Variants in RBM47 observed in about 807,000 individuals in gnomAD.
The protein encoded by RBM47 is RNA-binding protein 47.
In RBM47, 21 loss-of-function variants were observed where a neutral mutation model predicts 47.1. The ratio of observed to expected loss-of-function variants is 0.45; its 90% confidence interval spans 0.32 to 0.64. The LOEUF is 0.64. Ranked by LOEUF, RBM47 falls within the 30% of genes least tolerant of loss-of-function variation. RBM47 has a pLI of 0.05. For synonymous variants in RBM47, 375 were observed against 361.7 expected (o/e 1.04, Z -0.42); for missense variants, 708 against 870.9 (o/e 0.81, Z 2.35).
At chr4:40,581,585 T>C (rs935006951) in intron 1 of RBM47, among the ~76,000 whole-genome samples, 1 of 151,904 alleles carries the variant, frequency 6.6e-6, no homozygotes, top group Non-Finnish European at 1.5e-5. Flanking sequence ...TTCTTCCAGG[T>C]TGATACAATC....
chr4:40,459,603 T>C (rs754068828), intron 3 of RBM47, among the ~76,000 whole-genome samples: 15 of 152,046 alleles, frequency 9.9e-5, no homozygotes, highest in African/African-American at 3.1e-4. Context: ...TAAAAAAACT[T>C]TTGTGGTTTA....
At chr4:40,572,921 G>A (rs1291535421) in intron 1 of RBM47, among the ~76,000 whole-genome samples, 2 of 151,730 alleles carry the variant, frequency 1.3e-5, no homozygotes, top group East Asian at 3.9e-4. Context: ...GGAGGCCGAG[G>A]CGGGCGGATT....
chr4:40,456,366 TAA>T (rs1577677998), intron 3 of RBM47, among the ~76,000 whole-genome samples: 3 of 152,152 alleles, frequency 2.0e-5, no homozygotes, highest in South Asian at 2.1e-4. Context: ...TTTTTAATTA[TAA>T]AAGTCATCTT....
intron 3 of RBM47, chr4:40,455,481 G>T (rs1577675814): frequency 6.6e-6 from 1 of 152,174 alleles, no homozygotes; most frequent in Admixed American, 6.6e-5. Flanking sequence ...GTACCTGGCT[G>T]GTTGGGCGTG....
intron 1 of RBM47, among the ~76,000 whole-genome samples, chr4:40,585,503 A>C (rs2154273044): frequency 6.6e-6 from 1 of 152,322 alleles, no homozygotes; most frequent in South Asian, 2.1e-4. Context: ...ATCTTGTGTA[A>C]AGAAAAAGCA....
In RBM47 at chr4:40,593,112, A is replaced by G. The variant is rs34266529; in HGVS notation, c.-240+36284T>C. Among the ~76,000 whole-genome samples the G allele has an allele frequency of 1.7e-3, 239 of 141,138 alleles. 1 individual carries two copies. The highest frequency in any genetic ancestry group is 6.1e-3 in the African/African-American group (230 of 37,744). 92.6% of individuals were successfully genotyped at this position (141,138 alleles called of 152,430 possible). On this transcript the variant is annotated intron_variant, in intron 1 of 6. Coordinates refer to ENST00000295971, the MANE Select transcript of RBM47 (RefSeq NM_001098634.2). ...CAGGTTCACGCCATTCTCCTGCCTC[A>G]GCCTCCCGAGTAGCTGGGACTACAG...
chr4:40,593,178 T>C (rs1734416932), intron 1 of RBM47, among the ~76,000 whole-genome samples: 1 of 149,360 alleles, frequency 6.7e-6, no homozygotes, highest in Non-Finnish European at 1.5e-5. Context: ...TTTTGTATTT[T>C]TAGTAGAGAC....
At chr4:40,460,787 C>A (rs1716997669) in intron 3 of RBM47, among the ~76,000 whole-genome samples, 1 of 149,722 alleles carries the variant, frequency 6.7e-6, no homozygotes, top group South Asian at 2.1e-4. Flanking sequence ...ACTCGGGACG[C>A]TGAGGCAGGA....
Position 40,569,012 on chromosome 4 carries a change from TAGATAGAC to T in RBM47, c.-239-24514_-239-24507del, listed in dbSNP as rs1156325276. On this transcript the variant is annotated intron_variant, in intron 1 of 6. Coordinates refer to ENST00000295971, the MANE Select transcript of RBM47 (RefSeq NM_001098634.2). ...ATAGATAGATAGATAGATAGATAGA[TAGATAGAC>T]AGACAGACAGACAGACAGACAGACA... is the stretch of plus-strand genomic sequence containing the variant. Among the ~76,000 whole-genome samples the T allele has an allele frequency of 1.5e-3, 140 of 90,630 alleles. No individual in the cohort carries two copies. In the South Asian group the frequency reaches 0.016, roughly 10 times the overall value. The allele number at this position is 90,630 out of a possible 152,430, so 59.5% of individuals were successfully genotyped here.
intron 3 of RBM47, among the ~76,000 whole-genome samples, chr4:40,452,968 C>T (rs1715678659): frequency 2.0e-5 from 3 of 151,500 alleles, no homozygotes; most frequent in African/African-American, 4.9e-5. Flanking sequence ...CTCAGCCTCC[C>T]GAGTAGCTGG....
intron 1 of RBM47, among the ~76,000 whole-genome samples, chr4:40,569,470 T>C (rs575533374): frequency 6.1e-4 from 91 of 148,754 alleles, no homozygotes; most frequent in East Asian, 2.6e-3. Context: ...AGTGCAGTGG[T>C]GCGATCTCAG....
At chr4:40,592,715 C>T (rs1273602832) in intron 1 of RBM47, among the ~76,000 whole-genome samples, 4 of 150,836 alleles carry the variant, frequency 2.7e-5, no homozygotes, top group Non-Finnish European at 5.9e-5. Context: ...TGAGCCACCG[C>T]GCCTGGCCAA....
At chr4:40,552,436 A>T (rs1156520516) in intron 1 of RBM47, among the ~76,000 whole-genome samples, 1 of 152,034 alleles carries the variant, frequency 6.6e-6, no homozygotes, top group Non-Finnish European at 1.5e-5. Flanking sequence ...AAGATAAAGG[A>T]TATAAATAAA....
At chr4:40,595,688 G>T (rs1386111511) in intron 1 of RBM47, among the ~76,000 whole-genome samples, 3 of 152,010 alleles carry the variant, frequency 2.0e-5, no homozygotes, top group African/African-American at 7.3e-5. Flanking sequence ...AGAAGTTCAA[G>T]ACCAGCCTGG....
At chr4:40,527,672 C>A (rs1726884103) in intron 2 of RBM47, among the ~76,000 whole-genome samples, 1 of 150,780 alleles carries the variant, frequency 6.6e-6, no homozygotes, top group African/African-American at 2.4e-5. Flanking sequence ...ACTGGTAACG[C>A]CCGCCTCAGC....
intron 1 of RBM47, among the ~76,000 whole-genome samples, chr4:40,601,495 A>G (rs1401572564): frequency 6.6e-6 from 1 of 152,226 alleles, no homozygotes; most frequent in Non-Finnish European, 1.5e-5. Context: ...AACGCAACGG[A>G]AAAGATTTCA....
chr4:40,516,589 T>C (rs570470100), intron 2 of RBM47, among the ~76,000 whole-genome samples: 2 of 152,312 alleles, frequency 1.3e-5, no homozygotes, highest in African/African-American at 4.8e-5. Flanking sequence ...TTCTACTATT[T>C]TATGTGACAT....
At chr4:40,486,029 C>G (rs1048911787) in intron 2 of RBM47, among the ~76,000 whole-genome samples, 10 of 134,778 alleles carry the variant, frequency 7.4e-5, no homozygotes, top group Non-Finnish European at 1.1e-4. Flanking sequence ...ATATTTGGAC[C>G]ACTGCATTCT....
intron 2 of RBM47, among the ~76,000 whole-genome samples, chr4:40,506,830 C>T (rs1724160092): frequency 6.6e-6 from 1 of 152,204 alleles, no homozygotes; most frequent in Non-Finnish European, 1.5e-5. Context: ...CGCCTCTCTC[C>T]AATTTTCCTT....
Sources: gnomAD v4.1 joint callset for allele counts (sites outside exome capture counted in the v4.1 genomes callset) on GRCh38, gnomAD v4.1.1 for gene constraint, MANE v1.5 for transcripts, NCBI Gene and HGNC (gene_info 2026-07-23, HGNC 2026-07-21) for gene names.